SLC38A10: variants seen among roughly 807,000 people sequenced by gnomAD.
The protein encoded by SLC38A10 is solute carrier family 38 member 10.
Under a neutral mutation model 81.0 loss-of-function variants are expected in SLC38A10, and 53 were observed. The ratio of observed to expected loss-of-function variants is 0.65; its 90% CI spans 0.53 to 0.82. SLC38A10 has a LOEUF of 0.82. Among genes scored for constraint, SLC38A10 ranks in the 40% least tolerant of loss-of-function variants. The pLI, the probability that SLC38A10 is intolerant of heterozygous loss-of-function variation, is 0.00. For synonymous variants in SLC38A10, 665 were observed against 655.3 expected, an observed-to-expected ratio of 1.01 and a Z score of -0.23; for missense variants, 1,471 against 1,545.0, an observed-to-expected ratio of 0.95 and a Z score of 0.80.
At position 81,277,075 on chromosome 17, in the gene SLC38A10, T is replaced by C; in HGVS notation, c.685A>G (p.Ile229Val). The change falls in exon 7 of 16, where the codon ATA becomes GTA. Residue 229 changes from isoleucine (I) to valine (V), a missense_variant. Physicochemically the swap from Ile to Val is conservative, Grantham distance 29. Around this residue, in one of 2 missense-constraint regions of SLC38A10, gnomAD observed 720 missense variants for 827.7 expected, o/e 0.87. Coordinates refer to ENST00000374759, the MANE Select transcript of SLC38A10 (RefSeq NM_001037984.3). The surrounding 1 kb of genome is among the most constrained non-coding windows in gnomAD (Gnocchi z 4.5). ...DEPSVKTMSS[I>V]FASSLNVVTT... ...ACCACATTAAGGGAGGAAGCAAATA[T>C]GGAGCTCATGGTTTTCACTGACGGC... 1 of 1,614,022 alleles carries C rather than the reference T, an allele frequency of 6.2e-7. No individual in the cohort carries two copies. Among genetic ancestry groups the C allele is most frequent in the Non-Finnish European group, 8.5e-7 (1 of 1,179,958 alleles).
At chr17:81,267,697 G>T (rs1392152200) in intron 10 of SLC38A10, among the ~76,000 whole-genome samples, 3 of 151,912 alleles carry the variant, frequency 2.0e-5, no homozygotes, top group African/African-American at 7.3e-5. Context: ...GTATCAAACT[G>T]GTCTTCCTAT....
intron 8 of SLC38A10, among the ~76,000 whole-genome samples, chr17:81,274,832 G>T (rs556688928): frequency 6.6e-6 from 1 of 152,344 alleles, no homozygotes; most frequent in South Asian, 2.1e-4. Flanking sequence ...TCCTACAGCT[G>T]AAAGTTTCTT....
At chr17:81,247,840 CAAAAAAGA>C (rs1372744116) in intron 14 of SLC38A10, among the ~76,000 whole-genome samples, 1 of 144,698 alleles carries the variant, frequency 6.9e-6, no homozygotes, top group African/African-American at 2.6e-5. Flanking sequence ...GACCCTGTCT[CAAAAAAGA>C]AAAAAAGAAA....
At chr17:81,264,616 C>A (rs2063054196) in intron 10 of SLC38A10, 1 of 152,290 alleles carries the variant, frequency 6.6e-6, no homozygotes, top group African/African-American at 2.4e-5. Flanking sequence ...CACTTTCACT[C>A]CACACATGTA....
In SLC38A10 at chr17:81,271,156, C is replaced by A; in HGVS notation, c.1025-132G>T. ...ATGCCGTCTAGGCGTGAGCCGGGAG[C>A]AGAGACGCCCTCTGTGCCCAGAAAG... On this transcript the variant is annotated intron_variant, in intron 9 of 15. Transcript: ENST00000374759. The A allele has an allele frequency of 4.2e-6, 3 of 709,904 alleles. No individual in the cohort carries two copies. The South Asian group carries it at 5.3e-5, about 12-fold the overall frequency. The allele number at this position is 709,904 out of a possible 1,614,324, so 44.0% of individuals were successfully genotyped here. A position where few individuals can be genotyped will look rare whatever the true frequency, so the allele number is the denominator to read the frequency against.
At chr17:81,252,704 G>T in intron 12 of SLC38A10, 21 bp from the exon 13 acceptor site, 1 of 1,574,684 alleles carries the variant, frequency 6.4e-7, no homozygotes, top group Non-Finnish European at 8.6e-7. Context: ...ACGGGGGACA[G>T]ATGGGGTCAG....
At position 81,282,303 on chromosome 17, in the gene SLC38A10, C is replaced by G. The variant is rs750495928; in HGVS notation, c.387G>C (p.Leu129=). ...QVGGTFRMFL[L]FAVSLCIVLP... The stretch of plus-strand genomic sequence containing the variant: ...GCACGATGCACAGCGACACGGCGAA[C>G]AGCAGGAACATGCGGAAGGTGCCGC... Residue 129 remains leucine (L), a synonymous_variant, in exon 5 of 16, where the codon CTG becomes CTC. Transcript: ENST00000374759. 1.9e-5 allele frequency: 31 copies of G among 1,613,036 alleles called. No individual in the cohort carries two copies. In the Admixed American group the frequency reaches 2.5e-4, roughly 13 times the overall value.
At chr17:81,282,446 TGAATGACGCCGGCGGGTC>T in intron 4 of SLC38A10, 114 bp from the exon 5 acceptor site, 2 of 1,412,828 alleles carry the variant, frequency 1.4e-6, no homozygotes, top group Non-Finnish European at 1.9e-6. Flanking sequence ...GGCATCCAGG[TGAATGACGCCGGCGGGTC>T]TGAGGCTGGC....
chr17:81,279,139 T>C (rs550316328), intron 6 of SLC38A10, among the ~76,000 whole-genome samples: 1 of 152,318 alleles, frequency 6.6e-6, no homozygotes, highest in East Asian at 1.9e-4. Context: ...CTCTTGGGTG[T>C]GTGCCCCTCT....
At chr17:81,255,699 C>A (rs1044090290) in intron 11 of SLC38A10, among the ~76,000 whole-genome samples, 3 of 152,214 alleles carry the variant, frequency 2.0e-5, no homozygotes, top group Non-Finnish European at 4.4e-5. Flanking sequence ...CATTTGGCTT[C>A]AAAAATCGCC....
rs775182432 is a variant in SLC38A10 at position 81,245,990 on chromosome 17, G to A, written c.2926C>T (p.Arg976Trp). Residue 976 changes from arginine (R) to tryptophan (W), a missense_variant, in exon 16 of 16, where the codon CGG (arginine) becomes TGG (tryptophan). Physicochemically the swap from Arg to Trp is moderately radical, Grantham distance 101. This residue lies in a region of SLC38A10 where 751 missense variants were observed against 717.4 expected (regional missense o/e 1.05). Transcript: ENST00000374759. ...DGEQGGQQGH[R>W]LDHGGHLEMR... ...TCCAGGTGACCGCCATGGTCCAGCCGGTGGCCCTGCTGTCCACCCTGCTCG... is the reference window on the plus strand; with the variant it reads ...TCCAGGTGACCGCCATGGTCCAGCCAGTGGCCCTGCTGTCCACCCTGCTCG... 29 of 1,604,394 alleles carry A rather than the reference G, an allele frequency of 1.8e-5. No individual in the cohort carries two copies. The highest frequency in any genetic ancestry group is 5.5e-5 in the South Asian group (5 of 90,190).
rs1164096446 is a variant in SLC38A10 at position 81,250,130 on chromosome 17, A to C, written c.2065+1363T>G. Reference sequence around the variant, plus strand: ...GTTGAGAGGCATACGGAAGAAAGGCAGAATAGGAAACCGTGAAAAGTCTTT... The same window carrying C: ...GTTGAGAGGCATACGGAAGAAAGGCCGAATAGGAAACCGTGAAAAGTCTTT... On this transcript the variant is annotated intron_variant, in intron 14 of 15. Transcript: ENST00000374759. 3.9e-6 allele frequency: 5 copies of C among 1,281,232 alleles called. No individual in the cohort carries two copies. In the South Asian group the frequency reaches 6.3e-5, roughly 16 times the overall value. The allele number at this position is 1,281,232 out of a possible 1,614,324, so 79.4% of individuals were successfully genotyped here.
In SLC38A10 at chr17:81,245,373, A is replaced by G; in HGVS notation, c.*183T>C. The G allele has an allele frequency of 1.1e-5, 8 of 734,116 alleles. No individual in the cohort carries two copies. The highest frequency in any genetic ancestry group is 1.7e-5 in the Non-Finnish European group (8 of 471,808). The allele number at this position is 734,116 out of a possible 1,614,324, so 45.5% of individuals were successfully genotyped here. ...GCTGCAACAGAACGACAGCAAGAAC[A>G]TTCTGGAAACGATGCCACAGTGAAT... On this transcript the variant is annotated 3_prime_UTR_variant, in exon 16 of 16. Coordinates refer to ENST00000374759, the MANE Select transcript of SLC38A10 (RefSeq NM_001037984.3).
At chr17:81,247,200 C>T in intron 14 of SLC38A10, 139 bp from the exon 15 acceptor site, 1 of 858,954 alleles carries the variant, frequency 1.2e-6, no homozygotes, top group East Asian at 2.8e-5. Context: ...TGGTGACACC[C>T]ATCATGACTG....
At chr17:81,254,064 G>A (rs547623321) in intron 11 of SLC38A10, among the ~76,000 whole-genome samples, 6 of 151,506 alleles carry the variant, frequency 4.0e-5, no homozygotes, top group South Asian at 2.1e-4. Flanking sequence ...CTCCATCATC[G>A]TCGTCACCTC....
chr17:81,253,718 TCATCAC>T lies in SLC38A10; in HGVS notation c.1289-484_1289-479del, dbSNP rs1176312154. On this transcript the variant is annotated intron_variant, in intron 11 of 15. Transcript: ENST00000374759. This position sits in a 1 kb window ranked among gnomAD's most constrained non-coding sequence, Gnocchi z 4.1. ...ACCATCATCACCATCACCATCACCA[TCATCAC>T]CATCTCCATCCCTACCACCATCACC... 8.7e-6 allele frequency among the ~76,000 whole-genome samples: 1 copy of T among 114,592 alleles called. No homozygotes were observed. Among genetic ancestry groups the T allele is most frequent in the Non-Finnish European group, 1.7e-5 (1 of 57,224 alleles). 75.2% of individuals were successfully genotyped at this position (114,592 alleles called of 152,430 possible).
At chr17:81,252,953 G>A (rs1037625644) in intron 12 of SLC38A10, 120 bp downstream of exon 12, 1 of 1,315,116 alleles carries the variant, frequency 7.6e-7, no homozygotes, top group African/African-American at 1.5e-5. Context: ...CAGAACTTAG[G>A]CTGGGCTGAA....
intron 9 of SLC38A10, among the ~76,000 whole-genome samples, chr17:81,271,643 G>A (rs1239738435): frequency 1.3e-5 from 2 of 152,078 alleles, no homozygotes; most frequent in Non-Finnish European, 2.9e-5. Flanking sequence ...GACAGCATGC[G>A]CTGTTCTAGA....
chr17:81,270,859 C>T lies in SLC38A10; in HGVS notation c.1131+59G>A. 6.8e-7 allele frequency: 1 copy of T among 1,476,954 alleles called. No homozygotes were observed. The highest frequency in any genetic ancestry group is 9.4e-7 in the Non-Finnish European group (1 of 1,059,822). The allele number at this position is 1,476,954 out of a possible 1,614,324, so 91.5% of individuals were successfully genotyped here. ...AACCAGGGGCTTCCTCCCGCCTCCA[C>T]CTCTCCCCAGCCCAGACCCATCAGC... On this transcript the variant is annotated intron_variant, in intron 10 of 15. Transcript: ENST00000374759. The surrounding 1 kb of genome is among the most constrained non-coding windows in gnomAD (Gnocchi z 4.0).
Sources: gnomAD v4.1 joint callset for allele counts (sites outside exome capture counted in the v4.1 genomes callset) on GRCh38, gnomAD v4.1.1 for gene constraint, gnomAD v4.1.1 regional missense constraint, Gnocchi (gnomAD v3.1) non-coding constraint, MANE v1.5 for transcripts, NCBI Gene and HGNC (gene_info 2026-07-23, HGNC 2026-07-21) for gene names.